The following SKP1 variants were observed in gnomAD, a reference collection of about 807,000 sequenced individuals.
SKP1 encodes S-phase kinase-associated protein 1.
A neutral mutation model predicts 21.5 loss-of-function variants in SKP1; 1 was observed. That is an observed-to-expected ratio of 0.05 (90% confidence interval 0.02 to 0.22). The LOEUF is 0.22. SKP1 is among the 10% of genes least tolerant of loss of function. The pLI is 1.00. For synonymous variants in SKP1, 59 were observed against 59.3 expected (o/e 0.99, Z 0.03); for missense variants, 70 against 192.0 (o/e 0.36, Z 3.76).
At chr5:134,160,894 TA>T in intron 4 of SKP1, 92 bp downstream of exon 4, 1 of 808,114 alleles carries the variant, frequency 1.2e-6, no homozygotes, top group Non-Finnish European at 2.0e-6. Context: ...TAGAGAGTAT[TA>T]AAATTCAGTG....
In SKP1 at chr5:134,150,925, T is replaced by C. The variant is rs1235513264; in HGVS notation, c.*6808A>G. ...GGGGATGTTCACATACACAGTCCCT[T>C]AGAATAAAAGCCTAGCTCAGGTCAG... On this transcript the variant is annotated 3_prime_UTR_variant, in exon 6 of 6. Transcript: ENST00000353411. The C allele has an allele frequency of 1.3e-5, 2 of 152,168 alleles. No individual in the cohort carries two copies. The highest frequency in any genetic ancestry group is 2.4e-5 in the African/African-American group (1 of 41,448). 9.4% of individuals were successfully genotyped at this position (152,168 alleles called of 1,614,324 possible).
intron 3 of SKP1, among the ~76,000 whole-genome samples, chr5:134,166,426 C>T (rs1428427780): frequency 1.3e-5 from 2 of 150,662 alleles, no homozygotes; most frequent in Non-Finnish European, 1.5e-5. Context: ...ACTAAAAATA[C>T]AAAAATTAGC....
At chr5:134,166,198 A>C (rs1412212748) in intron 3 of SKP1, among the ~76,000 whole-genome samples, 2 of 151,270 alleles carry the variant, frequency 1.3e-5, no homozygotes, top group East Asian at 3.9e-4. Context: ...AAAAAAAAAG[A>C]TGCTATATAT....
Position 134,151,928 on chromosome 5 carries a change from A to G in SKP1, c.*5805T>C. 3.3e-6 allele frequency: 1 copy of G among 299,462 alleles called. No homozygotes were observed. The highest frequency in any genetic ancestry group is 2.8e-5 in the South Asian group (1 of 35,110). 18.6% of individuals were successfully genotyped at this position (299,462 alleles called of 1,614,324 possible). On this transcript the variant is annotated 3_prime_UTR_variant, in exon 6 of 6. Transcript: ENST00000353411. ...CCACCACTAATGATCATCTCCACTG[A>G]TGCCTCAGCAGAAAGGATAACATTC...
chr5:134,175,297 T>C (rs1761518411), intron 1 of SKP1: 1 of 152,240 alleles, frequency 6.6e-6, no homozygotes, highest in Non-Finnish European at 1.5e-5. Context: ...CACTCATCCA[T>C]AGTTGGAGAG....
chr5:134,170,000 C>CA (rs1312695127), intron 2 of SKP1, among the ~76,000 whole-genome samples: 8,257 of 76,770 alleles, frequency 0.11, 463 homozygotes, highest in Admixed American at 0.19. Flanking sequence ...GACTCCATCT[C>CA]AAAAAAAAAA....
At chr5:134,168,436 A>G (rs1761375282) in intron 2 of SKP1, among the ~76,000 whole-genome samples, 1 of 152,222 alleles carries the variant, frequency 6.6e-6, no homozygotes, top group Admixed American at 6.5e-5. Context: ...CTCCAAACAT[A>G]ATGGTATGAT....
chr5:134,176,726 C>T (rs1461440571), intron 1 of SKP1, 129 bp downstream of exon 1: 1 of 152,350 alleles, frequency 6.6e-6, no homozygotes, highest in Non-Finnish European at 1.5e-5. Flanking sequence ...CAACGCGATC[C>T]ACCGGGCCCG....
Position 134,150,907 on chromosome 5 carries a change from T to G in SKP1, c.*6826A>C, listed in dbSNP as rs981785735. 1.3e-5 allele frequency: 2 copies of G among 152,210 alleles called. No homozygotes were observed. Among genetic ancestry groups the G allele is most frequent in the African/African-American group, 4.8e-5 (2 of 41,456 alleles). 9.4% of individuals were successfully genotyped at this position (152,210 alleles called of 1,614,324 possible). A position where few individuals can be genotyped will look rare whatever the true frequency, so the allele number is the denominator to read the frequency against. On this transcript the variant is annotated 3_prime_UTR_variant, in exon 6 of 6. Coordinates refer to ENST00000353411, the MANE Select transcript of SKP1 (RefSeq NM_170679.3). ...ACAGGAAACATAGATGGTGGGGATGTTCACATACACAGTCCCTTAGAATAA... is the reference window on the plus strand; with the variant it reads ...ACAGGAAACATAGATGGTGGGGATGGTCACATACACAGTCCCTTAGAATAA...
chr5:134,173,188 C>T lies in SKP1; in HGVS notation c.97+738G>A, dbSNP rs765098617. Among the ~76,000 whole-genome samples the T allele has an allele frequency of 2.1e-4, 32 of 151,930 alleles. 2 individuals are homozygous for T. The highest frequency in any genetic ancestry group is 1.0e-3 in the Admixed American group (16 of 15,252). ...TCTCTAACAAAAATACAAAATTAGC[C>T]GGGCTTGGTGGCACATGCCTCTAAT... is the stretch of plus-strand genomic sequence containing the variant. On this transcript the variant is annotated intron_variant, in intron 2 of 5. Coordinates refer to ENST00000353411, the MANE Select transcript of SKP1 (RefSeq NM_170679.3).
chr5:134,166,580 CAAAAAAAAAAAAA>C (rs36106913), intron 3 of SKP1, among the ~76,000 whole-genome samples: 3 of 52,536 alleles, frequency 5.7e-5, no homozygotes, highest in East Asian at 8.4e-4. Context: ...ACTCTGGTCT[CAAAAAAAAAAAAA>C]AAAAAAAAAA....
chr5:134,169,578 C>T (rs893397117), intron 2 of SKP1, among the ~76,000 whole-genome samples: 3 of 152,204 alleles, frequency 2.0e-5, no homozygotes, highest in Admixed American at 1.3e-4. Context: ...AAAAATTAGG[C>T]TTTTGGCCGG....
chr5:134,174,165 TG>T, intron 1 of SKP1, 143 bp from the exon 2 acceptor site: 1 of 621,128 alleles, frequency 1.6e-6, no homozygotes, highest in Non-Finnish European at 2.9e-6. Flanking sequence ...AAAGCACTGT[TG>T]TAAGCAGTTA....
chr5:134,163,625 A>G (rs1238501987), intron 3 of SKP1, among the ~76,000 whole-genome samples: 8 of 152,030 alleles, frequency 5.3e-5, no homozygotes, highest in Admixed American at 5.2e-4. Context: ...CTCCATCTCT[A>G]CAAAAAATAC....
In SKP1 at chr5:134,160,939, G is replaced by A. The variant is rs1761209085; in HGVS notation, c.315+48C>T. Reference sequence around the variant, plus strand: ...GTTAGCAAATTTAAATCTATAAGAAGTGTTTAAAGGCTCTAGAGTAGAGCT... The same window carrying A: ...GTTAGCAAATTTAAATCTATAAGAAATGTTTAAAGGCTCTAGAGTAGAGCT... On this transcript the variant is annotated intron_variant, in intron 4 of 5. Coordinates refer to ENST00000353411, the MANE Select transcript of SKP1 (RefSeq NM_170679.3). The A allele has an allele frequency of 4.5e-6, 6 of 1,324,322 alleles. No homozygotes were observed. The East Asian group carries it at 1.4e-4, about 31-fold the overall frequency. The allele number at this position is 1,324,322 out of a possible 1,614,324, so 82.0% of individuals were successfully genotyped here. A position where few individuals can be genotyped will look rare whatever the true frequency, so the allele number is the denominator to read the frequency against.
At chr5:134,168,735 GAA>G (rs1375821709) in intron 2 of SKP1, among the ~76,000 whole-genome samples, 1 of 152,120 alleles carries the variant, frequency 6.6e-6, no homozygotes, top group African/African-American at 2.4e-5. Flanking sequence ...AGTAGAATGT[GAA>G]AAGAGTCAGG....
chr5:134,165,882 AAAAC>A (rs143852512), intron 3 of SKP1, among the ~76,000 whole-genome samples: 2,007 of 146,810 alleles, frequency 0.014, 36 homozygotes, highest in African/African-American at 0.047. Flanking sequence ...TGAGATCAAA[AAAAC>A]AAACAAACAC....
chr5:134,164,194 C>T (rs550721407), intron 3 of SKP1, among the ~76,000 whole-genome samples: 7 of 151,866 alleles, frequency 4.6e-5, no homozygotes, highest in Admixed American at 2.6e-4. Flanking sequence ...TGGTGGCGCG[C>T]GCCTGTAATC....
Position 134,156,686 on chromosome 5 carries a change from G to A in SKP1, c.*1047C>T, listed in dbSNP as rs1761126466. ...CAATGGCAGAGTAATTTTGTGTTAA[G>A]AATTAAAGTACTAGCTCCAGTTAGG... On this transcript the variant is annotated 3_prime_UTR_variant, in exon 6 of 6. Transcript: ENST00000353411. The A allele has an allele frequency of 6.6e-6, 1 of 152,188 alleles. No homozygotes were observed. Among genetic ancestry groups the A allele is most frequent in the Non-Finnish European group, 1.5e-5 (1 of 68,032 alleles). The allele number at this position is 152,188 out of a possible 1,614,324, so 9.4% of individuals were successfully genotyped here.
Sources: gnomAD v4.1 joint callset for allele counts (sites outside exome capture counted in the v4.1 genomes callset) on GRCh38, gnomAD v4.1.1 for gene constraint, MANE v1.5 for transcripts, NCBI Gene and HGNC (gene_info 2026-07-23, HGNC 2026-07-21) for gene names.